SPMIP3: variants seen among roughly 807,000 people sequenced by gnomAD.
SPMIP3 encodes protein SPMIP3.
chr1:244,371,760 G>A, the SPMIP3 span, among the ~76,000 whole-genome samples: 2 of 152,194 alleles, frequency 1.3e-5, no homozygotes, highest in African/African-American at 4.8e-5. Context: ...TGTGGCCCTG[G>A]GGTAATATTC....
chr1:244,353,261 T>C, the SPMIP3 span, among the ~76,000 whole-genome samples: 1 of 152,146 alleles, frequency 6.6e-6, no homozygotes, highest in Non-Finnish European at 1.5e-5. Flanking sequence ...AACAGATGTC[T>C]TGGCCAAGCG....
the SPMIP3 span, among the ~76,000 whole-genome samples, chr1:244,357,907 T>C: frequency 6.6e-6 from 1 of 151,016 alleles, no homozygotes; most frequent in Non-Finnish European, 1.5e-5. Flanking sequence ...GTGAGACCCA[T>C]CTCTACAAAA....
chr1:244,369,522 G>A, the SPMIP3 span, among the ~76,000 whole-genome samples: 1 of 152,190 alleles, frequency 6.6e-6, no homozygotes, highest in Non-Finnish European at 1.5e-5. Context: ...CACACAAGGA[G>A]TGAGGTTAAG....
At chr1:244,360,509 TACACACACAC>T in the SPMIP3 span, among the ~76,000 whole-genome samples, 137 of 59,150 alleles carry the variant, frequency 2.3e-3, no homozygotes, top group South Asian at 0.022. Flanking sequence ...AAACGTGATA[TACACACACAC>T]ACACACACAC....
the SPMIP3 span, among the ~76,000 whole-genome samples, chr1:244,374,570 C>T: frequency 1.4e-5 from 2 of 147,506 alleles, no homozygotes; most frequent in African/African-American, 2.5e-5. Context: ...CCTCCGTTTA[C>T]GGATTCCCAC....
the SPMIP3 span, among the ~76,000 whole-genome samples, chr1:244,360,397 A>C: frequency 6.6e-6 from 1 of 152,138 alleles, no homozygotes; most frequent in Non-Finnish European, 1.5e-5. Context: ...AAATTGTTAT[A>C]TCAAAGAGAT....
the SPMIP3 span, among the ~76,000 whole-genome samples, chr1:244,353,596 C>T: frequency 1.3e-5 from 2 of 152,132 alleles, no homozygotes; most frequent in Non-Finnish European, 2.9e-5. Context: ...TGGGAATTCA[C>T]AGGAGGGAAA....
the SPMIP3 span, chr1:244,378,656 G>A: frequency 1.1e-5 from 17 of 1,605,482 alleles, no homozygotes; most frequent in South Asian, 1.9e-4. Flanking sequence ...CAGGCCAACT[G>A]CTCTTAACTC....
chr1:244,378,508 A>G, the SPMIP3 span: 2 of 1,613,780 alleles, frequency 1.2e-6, no homozygotes, highest in South Asian at 2.2e-5. Context: ...ACAAAATATC[A>G]CTATCAGCCT....
At chr1:244,388,021 G>A in the SPMIP3 span, among the ~76,000 whole-genome samples, 16 of 151,788 alleles carry the variant, frequency 1.1e-4, no homozygotes, top group Admixed American at 2.6e-4. Flanking sequence ...TCCGCCTCCC[G>A]GGTTCATGCA....
the SPMIP3 span, among the ~76,000 whole-genome samples, chr1:244,374,513 C>A: frequency 6.6e-6 from 1 of 151,578 alleles, no homozygotes; most frequent in Non-Finnish European, 1.5e-5. Flanking sequence ...CCAATTCCCA[C>A]ATTTCTTTTA....
At chr1:244,388,663 G>A in the SPMIP3 span, among the ~76,000 whole-genome samples, 4 of 152,134 alleles carry the variant, frequency 2.6e-5, no homozygotes, top group Non-Finnish European at 5.9e-5. Context: ...GATAATGTAC[G>A]ACTAAAAAGG....
chr1:244,353,130 C>A, the SPMIP3 span, among the ~76,000 whole-genome samples: 8 of 152,192 alleles, frequency 5.3e-5, no homozygotes, highest in Non-Finnish European at 1.2e-4. Flanking sequence ...GGACAGCGAA[C>A]ACTTTGCAAG....
At chr1:244,367,007 C>T in the SPMIP3 span, among the ~76,000 whole-genome samples, 5 of 152,058 alleles carry the variant, frequency 3.3e-5, no homozygotes, top group South Asian at 8.3e-4. Flanking sequence ...CTTCTCTAGC[C>T]AGGGTGTTCA....
At chr1:244,378,399 CA>C in the SPMIP3 span, 1 of 1,472,386 alleles carries the variant, frequency 6.8e-7, no homozygotes, top group African/African-American at 1.4e-5. Flanking sequence ...GAATGGATTC[CA>C]GCTGACGAGA....
At chr1:244,374,049 G>T in the SPMIP3 span, among the ~76,000 whole-genome samples, 1 of 152,110 alleles carries the variant, frequency 6.6e-6, no homozygotes, top group African/African-American at 2.4e-5. Flanking sequence ...GGAGGCGGAG[G>T]TTGCAGTGAG....
chr1:244,377,581 T>C, the SPMIP3 span, among the ~76,000 whole-genome samples: 5 of 152,338 alleles, frequency 3.3e-5, no homozygotes, highest in South Asian at 8.3e-4. Flanking sequence ...GACATCCTAA[T>C]TGTTGGGATA....
the SPMIP3 span, among the ~76,000 whole-genome samples, chr1:244,361,888 T>C: frequency 2.6e-5 from 4 of 152,182 alleles, no homozygotes; most frequent in Admixed American, 1.3e-4. Context: ...CTGTCCAGCC[T>C]GTCACTTCCA....
chr1:244,361,400 T>G, the SPMIP3 span, among the ~76,000 whole-genome samples: 1 of 151,982 alleles, frequency 6.6e-6, no homozygotes, highest in Non-Finnish European at 1.5e-5. Context: ...AGTTAATTGT[T>G]GTATTTTTAG....
Sources: gnomAD v4.1 joint callset for allele counts (sites outside exome capture counted in the v4.1 genomes callset) on GRCh38, gnomAD v4.1.1 for gene constraint, MANE v1.5 for transcripts, NCBI Gene and HGNC (gene_info 2026-07-23, HGNC 2026-07-21) for gene names.